CTNNA2: variants seen among roughly 807,000 people sequenced by gnomAD.
CTNNA2 encodes the protein catenin alpha-2.
CTNNA2 carries 42 observed loss-of-function variants against 101.0 expected under a neutral mutation model. The ratio of observed to expected loss-of-function variants is 0.42; its 90% CI spans 0.32 to 0.54. The LOEUF (loss-of-function observed/expected upper bound fraction) is 0.54, where lower values mean the gene tolerates loss of function less well. Ranked by LOEUF, CTNNA2 falls within the 20% of genes least tolerant of loss-of-function variation. The probability of loss-of-function intolerance (pLI) is 0.14; values close to 1 mark genes in which losing one functional copy is unlikely to be tolerated. For missense variants in CTNNA2, 871 were observed against 1,223.1 expected, an observed-to-expected ratio of 0.71 and a Z score of 4.29; for synonymous variants, 450 against 456.4, an observed-to-expected ratio of 0.99 and a Z score of 0.18.
At chr2:80,410,877 T>C (rs746903319) in intron 8 of CTNNA2, among the ~76,000 whole-genome samples, 8 of 152,170 alleles carry the variant, frequency 5.3e-5, no homozygotes, top group East Asian at 1.9e-4. Context: ...TTATAGACTA[T>C]GGAAAAGATG....
At chr2:79,788,114 T>C (rs1416762804) in intron 3 of CTNNA2, among the ~76,000 whole-genome samples, 1 of 152,198 alleles carries the variant, frequency 6.6e-6, no homozygotes, top group African/African-American at 2.4e-5. Flanking sequence ...TGAGAGCTTC[T>C]CTTTTGTGCC....
chr2:80,110,517 T>C (rs1220456900), intron 7 of CTNNA2, among the ~76,000 whole-genome samples: 2 of 152,160 alleles, frequency 1.3e-5, no homozygotes, highest in Non-Finnish European at 2.9e-5. Context: ...CAATAAATGC[T>C]ATGAGAATTA....
At chr2:79,970,362 C>G (rs1049122854) in intron 7 of CTNNA2, among the ~76,000 whole-genome samples, 2 of 152,152 alleles carry the variant, frequency 1.3e-5, no homozygotes, top group African/African-American at 4.8e-5. Flanking sequence ...GGAAGAAATT[C>G]TAACTATGCT....
chr2:80,245,285 A>T (rs1382421720), intron 7 of CTNNA2, among the ~76,000 whole-genome samples: 1 of 152,222 alleles, frequency 6.6e-6, no homozygotes, highest in Non-Finnish European at 1.5e-5. Flanking sequence ...ATGAGAGCCT[A>T]TGTAAAATAT....
chr2:80,600,575 G>A (rs1256315919), intron 15 of CTNNA2, among the ~76,000 whole-genome samples: 1 of 152,006 alleles, frequency 6.6e-6, no homozygotes, highest in East Asian at 1.9e-4. Flanking sequence ...CATTAATAAT[G>A]ATCAATAAAT....
chr2:79,832,056 C>G (rs890976830), intron 3 of CTNNA2, among the ~76,000 whole-genome samples: 4 of 152,116 alleles, frequency 2.6e-5, no homozygotes, highest in East Asian at 1.9e-4. Flanking sequence ...TGCCTGCAGT[C>G]ATTTTCCTGT....
At chr2:80,266,282 C>T (rs1209091531) in intron 7 of CTNNA2, among the ~76,000 whole-genome samples, 1 of 152,210 alleles carries the variant, frequency 6.6e-6, no homozygotes, top group Non-Finnish European at 1.5e-5. Flanking sequence ...CCTAAGGGAC[C>T]TCCATGTGAG....
Position 80,619,622 on chromosome 2 carries a change from G to T in CTNNA2, c.2574+394G>T, listed in dbSNP as rs375088661. 1.1e-4 allele frequency among the ~76,000 whole-genome samples: 16 copies of T among 151,960 alleles called. No individual in the cohort carries two copies. In the East Asian group the frequency reaches 2.7e-3, roughly 26 times the overall value. On this transcript the variant is annotated intron_variant, in intron 18 of 18. Coordinates refer to ENST00000402739, the MANE Select transcript of CTNNA2 (RefSeq NM_001282597.3). The stretch of plus-strand genomic sequence containing the variant: ...GGGTCATGAAATATCCTTTACTCAT[G>T]TTTGCCATGAGAATCAGTGGGCCCT...
At chr2:80,154,965 T>C (rs539857295) in intron 7 of CTNNA2, among the ~76,000 whole-genome samples, 23 of 152,192 alleles carry the variant, frequency 1.5e-4, no homozygotes, top group African/African-American at 5.5e-4. Flanking sequence ...ATATAGCCAA[T>C]ACATGTTGAG....
chr2:80,345,754 CT>C (rs1317945113), intron 7 of CTNNA2, among the ~76,000 whole-genome samples: 3 of 151,792 alleles, frequency 2.0e-5, no homozygotes, highest in East Asian at 1.9e-4. Flanking sequence ...TCTATGGAAA[CT>C]TTTTTTTAGA....
chr2:80,124,933 A>C (rs1001968608), intron 7 of CTNNA2, among the ~76,000 whole-genome samples: 2 of 152,188 alleles, frequency 1.3e-5, no homozygotes, highest in Admixed American at 1.3e-4. Flanking sequence ...GGAGGAGCTG[A>C]GAGTGGAGCA....
At chr2:80,287,003 G>A (rs895332486) in intron 7 of CTNNA2, among the ~76,000 whole-genome samples, 1 of 152,244 alleles carries the variant, frequency 6.6e-6, no homozygotes, top group South Asian at 2.1e-4. Flanking sequence ...ATATAGACAT[G>A]GTACATAAGT....
At position 79,852,362 on chromosome 2, in the gene CTNNA2, C is replaced by G. The variant is rs142775766; in HGVS notation, c.299-5651C>G. Among the ~76,000 whole-genome samples the G allele has an allele frequency of 1.9e-3, 293 of 152,176 alleles. 2 individuals are homozygous for G. The highest frequency in any genetic ancestry group is 6.8e-3 in the African/African-American group (283 of 41,514). The stretch of plus-strand genomic sequence containing the variant: ...CAAAAATGTTGACAATGTAAATTAC[C>G]ATGGAAGGTATAGGAAATACATTGC... On this transcript the variant is annotated intron_variant, in intron 3 of 18. Coordinates refer to ENST00000402739, the MANE Select transcript of CTNNA2 (RefSeq NM_001282597.3).
intron 1 of CTNNA2, among the ~76,000 whole-genome samples, chr2:79,540,817 G>A (rs535662123): frequency 2.0e-4 from 30 of 152,078 alleles, no homozygotes; most frequent in African/African-American, 6.7e-4. Context: ...TCAGTGATTT[G>A]TTTATTTCTG....
At chr2:80,035,857 A>C (rs1695612831) in intron 7 of CTNNA2, among the ~76,000 whole-genome samples, 1 of 152,208 alleles carries the variant, frequency 6.6e-6, no homozygotes, top group African/African-American at 2.4e-5. Context: ...CTTTCAGTGC[A>C]GCCTGAGGAA....
chr2:80,094,614 G>A lies in CTNNA2; in HGVS notation c.1056+184817G>A, dbSNP rs1320920868. 9.9e-5 allele frequency among the ~76,000 whole-genome samples: 15 copies of A among 152,148 alleles called. No individual in the cohort carries two copies. In the South Asian group the frequency reaches 1.0e-3, roughly 11 times the overall value. On this transcript the variant is annotated intron_variant, in intron 7 of 18. Transcript: ENST00000402739. ...CCTTGGGCAGTATGGCCATTTTCAC[G>A]ATATTGATTCTTCCTACCCATGAGC...
intron 3 of CTNNA2, among the ~76,000 whole-genome samples, chr2:79,328,837 G>T (rs972034458): frequency 6.6e-6 from 1 of 152,156 alleles, no homozygotes; most frequent in African/African-American, 2.4e-5. Flanking sequence ...AAATCAACGT[G>T]CTGGCAGGGC....
At chr2:80,509,876 A>G (rs1338492447) in intron 9 of CTNNA2, among the ~76,000 whole-genome samples, 2 of 152,148 alleles carry the variant, frequency 1.3e-5, no homozygotes, top group African/African-American at 4.8e-5. Context: ...GTCGCATTAC[A>G]TTGGTTAAAG....
chr2:79,427,178 G>A (rs1321960474), intron 4 of CTNNA2, among the ~76,000 whole-genome samples: 2 of 151,938 alleles, frequency 1.3e-5, no homozygotes, highest in African/African-American at 4.8e-5. Context: ...ATCATGAAAA[G>A]GGCAGTAAAA....
Sources: gnomAD v4.1 joint callset for allele counts (sites outside exome capture counted in the v4.1 genomes callset) on GRCh38, gnomAD v4.1.1 for gene constraint, MANE v1.5 for transcripts, NCBI Gene and HGNC (gene_info 2026-07-23, HGNC 2026-07-21) for gene names.